The following DNAAF5 variants were observed in gnomAD, a reference collection of about 807,000 sequenced individuals.
DNAAF5 encodes dynein axonemal assembly factor 5.
A neutral mutation model predicts 75.8 loss-of-function variants in DNAAF5; 64 were observed. The observed-to-expected ratio is 0.84, with a 90% CI of 0.69 to 1.04. The LOEUF (loss-of-function observed/expected upper bound fraction) is 1.04, where lower values mean the gene tolerates loss of function less well. Ranked by LOEUF, DNAAF5 falls within the 50% of genes least tolerant of loss-of-function variation. The pLI is 0.00. For missense variants in DNAAF5, 1,269 were observed against 1,178.5 expected (o/e 1.08, Z -1.12); for synonymous variants, 657 against 557.2 (o/e 1.18, Z -2.52).
chr7:764,116 A>C, intron 8 of DNAAF5, 142 bp downstream of exon 8: 1 of 841,058 alleles, frequency 1.2e-6, no homozygotes. Flanking sequence ...CCCAATAGTC[A>C]CTCTTGCCTG....
In DNAAF5 at chr7:740,932, G is replaced by A; in HGVS notation, c.894G>A (p.Val298=). 1.2e-6 allele frequency: 2 copies of A among 1,613,312 alleles called. No individual in the cohort carries two copies. Among genetic ancestry groups the A allele is most frequent in the Non-Finnish European group, 1.7e-6 (2 of 1,180,026 alleles). ...PLLLSSLNDE[V]PEVRQLAASL... ...TGCTCAGTAGCCTCAACGACGAGGT[G>A]CCTGAGGTCAGGTACGTGGGCAGGC... The change falls in exon 3 of 13, where the codon GTG becomes GTA. Residue 298 remains valine (V), a synonymous_variant. Coordinates refer to ENST00000297440, the MANE Select transcript of DNAAF5 (RefSeq NM_017802.4).
At chr7:730,015 G>A (rs1245384828) in intron 2 of DNAAF5, among the ~76,000 whole-genome samples, 168 bp downstream of exon 2, 1 of 152,184 alleles carries the variant, frequency 6.6e-6, no homozygotes, top group East Asian at 1.9e-4. Context: ...GGAAAAACTA[G>A]AAGAGAGCTG....
intron 2 of DNAAF5, among the ~76,000 whole-genome samples, chr7:739,680 G>C (rs538692164): frequency 6.6e-6 from 1 of 152,172 alleles, no homozygotes; most frequent in Admixed American, 6.5e-5. Flanking sequence ...CTCCCCTCAC[G>C]GGACCTTAGT....
At chr7:738,113 T>C (rs1781792647) in intron 2 of DNAAF5, among the ~76,000 whole-genome samples, 1 of 152,242 alleles carries the variant, frequency 6.6e-6, no homozygotes, top group South Asian at 2.1e-4. Context: ...TATTCTTTTT[T>C]CTTTTGTCTT....
intron 1 of DNAAF5, among the ~76,000 whole-genome samples, chr7:727,952 G>A (rs1327250345): frequency 1.3e-5 from 2 of 151,698 alleles, no homozygotes; most frequent in Non-Finnish European, 2.9e-5. Context: ...TCCCTCGGGG[G>A]CTTGCAGGAC....
rs906069560 is a variant in DNAAF5 at position 754,952 on chromosome 7, C to T, written c.1257+131C>T. 8 of 653,064 alleles carry T rather than the reference C, an allele frequency of 1.2e-5. No individual in the cohort carries two copies. The highest frequency in any genetic ancestry group is 1.8e-5 in the Non-Finnish European group (7 of 385,354). 40.5% of individuals were successfully genotyped at this position (653,064 alleles called of 1,614,324 possible). A position where few individuals can be genotyped will look rare whatever the true frequency, so the allele number is the denominator to read the frequency against. On this transcript the variant is annotated intron_variant, in intron 5 of 12. Transcript: ENST00000297440. This position sits in a 1 kb window ranked among gnomAD's most constrained non-coding sequence, Gnocchi z 4.8. ...TCCCCTCACCCCCGGGCCGCAGGCC[C>T]TCCCCACACCCAGCCCCTGGGAACA...
intron 4 of DNAAF5, chr7:750,957 A>C (rs1400402642): frequency 6.2e-6 from 1 of 161,378 alleles, no homozygotes; most frequent in Non-Finnish European, 1.5e-5. Context: ...CAGGCTGGCC[A>C]ACATGGTGAA....
At chr7:746,931 C>A (rs1407802604) in intron 4 of DNAAF5, among the ~76,000 whole-genome samples, 1 of 152,200 alleles carries the variant, frequency 6.6e-6, no homozygotes, top group Non-Finnish European at 1.5e-5. Context: ...TCTGCTCTTT[C>A]CTCTCTGTGT....
intron 4 of DNAAF5, among the ~76,000 whole-genome samples, chr7:742,761 G>A (rs571207617): frequency 2.9e-5 from 4 of 139,512 alleles, no homozygotes; most frequent in Admixed American, 7.4e-5. Context: ...CAAATCAGAC[G>A]CCCAGCTCAA....
intron 2 of DNAAF5, among the ~76,000 whole-genome samples, chr7:737,161 T>A (rs1370585543): frequency 6.6e-6 from 1 of 152,162 alleles, no homozygotes; most frequent in East Asian, 1.9e-4. Context: ...AATGGCGCCA[T>A]CTCAGCTCAC....
chr7:772,056 G>A (rs914420720), intron 9 of DNAAF5: 5 of 152,268 alleles, frequency 3.3e-5, no homozygotes, highest in Non-Finnish European at 5.9e-5. Flanking sequence ...ACTGACCATC[G>A]TCTGCGCAGA....
At chr7:768,264 C>G (rs1778411889) in intron 8 of DNAAF5, among the ~76,000 whole-genome samples, 1 of 149,850 alleles carries the variant, frequency 6.7e-6, no homozygotes, top group African/African-American at 2.5e-5. Flanking sequence ...CGAGGAGGAG[C>G]TAGCGCTGGG....
At chr7:782,253 C>CA (rs1562404142) in intron 12 of DNAAF5, among the ~76,000 whole-genome samples, 2 of 150,076 alleles carry the variant, frequency 1.3e-5, no homozygotes, top group East Asian at 4.0e-4. Context: ...CTCGGATCTT[C>CA]GCGGCGTGGC....
At chr7:745,521 A>C (rs1410384043) in intron 4 of DNAAF5, among the ~76,000 whole-genome samples, 2 of 152,172 alleles carry the variant, frequency 1.3e-5, no homozygotes, top group African/African-American at 2.4e-5. Context: ...ACATATGCAC[A>C]CGTGTGTACA....
chr7:783,478 G>A (rs1413123590), intron 12 of DNAAF5, among the ~76,000 whole-genome samples: 1 of 152,182 alleles, frequency 6.6e-6, no homozygotes, highest in East Asian at 1.9e-4. Context: ...GAAGGGTCCT[G>A]GGGACCCCGA....
At chr7:761,333 G>C (rs193146714) in intron 6 of DNAAF5, among the ~76,000 whole-genome samples, 1 of 152,246 alleles carries the variant, frequency 6.6e-6, no homozygotes, top group Non-Finnish European at 1.5e-5. Context: ...GGGCTCTGTC[G>C]GCCCTGACAC....
intron 12 of DNAAF5, among the ~76,000 whole-genome samples, chr7:782,149 C>G (rs1778971967): frequency 6.6e-6 from 1 of 152,170 alleles, no homozygotes; most frequent in African/African-American, 2.4e-5. Flanking sequence ...GCGTCAGAAA[C>G]TCGGATCTTC....
Position 764,036 on chromosome 7 carries a change from C to A in DNAAF5, c.1783+62C>A. On this transcript the variant is annotated intron_variant, in intron 8 of 12. Transcript: ENST00000297440. ...CCCACTCAGGCTACACACCTGCTCC[C>A]CCAGGTGCTCAGCAGGTACCAGCGC... 3.8e-6 allele frequency: 6 copies of A among 1,559,370 alleles called. No individual in the cohort carries two copies. In the South Asian group the frequency reaches 6.8e-5, roughly 18 times the overall value.
At chr7:731,129 A>G (rs1392822995) in intron 2 of DNAAF5, among the ~76,000 whole-genome samples, 1 of 152,182 alleles carries the variant, frequency 6.6e-6, no homozygotes, top group Non-Finnish European at 1.5e-5. Flanking sequence ...CCTGAGGCAG[A>G]GCATGGCCCA....
Sources: gnomAD v4.1 joint callset for allele counts (sites outside exome capture counted in the v4.1 genomes callset) on GRCh38, gnomAD v4.1.1 for gene constraint, Gnocchi (gnomAD v3.1) non-coding constraint, MANE v1.5 for transcripts, NCBI Gene and HGNC (gene_info 2026-07-23, HGNC 2026-07-21) for gene names.